Variants in RGSL1 observed in about 807,000 individuals in gnomAD.
The protein encoded by RGSL1 is regulator of G protein signaling like 1.
A neutral mutation model predicts 124.7 loss-of-function variants in RGSL1; 97 were observed. The ratio of observed to expected loss-of-function variants is 0.78; its 90% CI spans 0.66 to 0.92. RGSL1 has a LOEUF of 0.92. Ranked by LOEUF, RGSL1 falls within the 40% of genes least tolerant of loss-of-function variation. The pLI, the probability that RGSL1 is intolerant of heterozygous loss-of-function variation, is 0.00. For missense variants in RGSL1, 1,233 were observed against 1,288.4 expected (o/e 0.96, Z 0.66); for synonymous variants, 424 against 438.1 (o/e 0.97, Z 0.40).
chr1:182,489,294 C>T (rs1304068300), intron 8 of RGSL1, 92 bp downstream of exon 8: 1 of 1,146,092 alleles, frequency 8.7e-7, no homozygotes, highest in Non-Finnish European at 1.2e-6. Flanking sequence ...TAAGCGTCAG[C>T]ACTATGCAGT....
At chr1:182,524,037 G>A (rs1404853054) in intron 10 of RGSL1, among the ~76,000 whole-genome samples, 1 of 152,170 alleles carries the variant, frequency 6.6e-6, no homozygotes, top group Non-Finnish European at 1.5e-5. Flanking sequence ...ATAAACTCAT[G>A]AATATAAACA....
chr1:182,551,194 C>T lies in RGSL1; in HGVS notation c.3028C>T (p.Pro1010Ser). 6.4e-7 allele frequency: 1 copy of T among 1,551,070 alleles called. No individual in the cohort carries two copies. The highest frequency in any genetic ancestry group is 2.0e-5 in the Admixed American group (1 of 50,998). ...KSPPKSTDKYPFSSGGDNAIL... is the reference protein window; with the variant it reads ...KSPPKSTDKYSFSSGGDNAIL... Reference sequence around the variant, plus strand: ...CCCTCCTAAATCTACGGACAAGTATCCTTTCTCGAGTGGAGGTAAGCTCCA... The same window carrying T: ...CCCTCCTAAATCTACGGACAAGTATTCTTTCTCGAGTGGAGGTAAGCTCCA... Residue 1010 changes from proline (P) to serine (S), a missense_variant, in exon 18 of 22, where the codon CCT becomes TCT. Coordinates refer to ENST00000294854, the MANE Select transcript of RGSL1 (RefSeq NM_001137669.2).
At position 182,501,508 on chromosome 1, in the gene RGSL1, G is replaced by A. The variant is rs571333012; in HGVS notation, c.1825+8379G>A. On this transcript the variant is annotated intron_variant, in intron 9 of 21. Transcript: ENST00000294854. ...TAATTTTTGAATTTTTATTAGAGAC[G>A]GGGTTTCACCATGTTGTCTAGGATG... is the stretch of plus-strand genomic sequence containing the variant. Among the ~76,000 whole-genome samples, 14 of 151,084 alleles carry A rather than the reference G, an allele frequency of 9.3e-5. 4 individuals carry two copies. The highest frequency in any genetic ancestry group is 3.2e-4 in the African/African-American group (13 of 41,190).
intron 6 of RGSL1, among the ~76,000 whole-genome samples, chr1:182,484,308 G>T (rs1053420042): frequency 5.9e-5 from 9 of 152,060 alleles, no homozygotes; most frequent in African/African-American, 2.2e-4. Context: ...AGGCCCAGGG[G>T]TGTGACTATT....
At chr1:182,464,686 T>C (rs1476890095) in intron 4 of RGSL1, among the ~76,000 whole-genome samples, 2 of 150,638 alleles carry the variant, frequency 1.3e-5, no homozygotes, top group African/African-American at 2.4e-5. Context: ...ATCATGCCAT[T>C]GCACTCTAGC....
chr1:182,460,100 G>A lies in RGSL1; in HGVS notation c.268G>A (p.Glu90Lys), dbSNP rs993347344. The A allele has an allele frequency of 4.5e-6, 7 of 1,551,442 alleles. No homozygotes were observed. The highest frequency in any genetic ancestry group is 6.1e-6 in the Non-Finnish European group (7 of 1,146,920). ...GTGTTTCCATTACATTCTCTGTCAG[G>A]AGTTCATCAGTTTCATTAAGTCCCC... is the stretch of plus-strand genomic sequence containing the variant. ...NLCFHYILCQEFISFIKSPEG... is the reference protein window; with the variant it reads ...NLCFHYILCQKFISFIKSPEG... Residue 90 changes from glutamate (E) to lysine (K), a missense_variant, in exon 4 of 22, where the codon GAG becomes AAG. Physicochemically the swap from Glu to Lys is moderately conservative, Grantham distance 56. Transcript: ENST00000294854.
chr1:182,460,175 T>C, intron 4 of RGSL1, 42 bp downstream of exon 4: 1 of 1,520,884 alleles, frequency 6.6e-7, no homozygotes, highest in Non-Finnish European at 8.8e-7. Flanking sequence ...TGTGTGTGTG[T>C]GTGTGTGTGT....
chr1:182,538,301 G>C (rs1659673694), intron 14 of RGSL1, among the ~76,000 whole-genome samples: 1 of 152,150 alleles, frequency 6.6e-6, no homozygotes, highest in African/African-American at 2.4e-5. Flanking sequence ...GCCAAGGTGG[G>C]TGTATCACCA....
upstream of RGSL1, chr1:182,448,384 G>C (rs1055079759): frequency 1.3e-5 from 2 of 152,036 alleles, no homozygotes; most frequent in African/African-American, 2.4e-5. Flanking sequence ...ACCACATCTG[G>C]ATAATTTTTT....
intron 3 of RGSL1, 22 bp from the exon 4 acceptor site, chr1:182,459,982 T>C (rs748045578): frequency 1.3e-6 from 2 of 1,544,690 alleles, no homozygotes; most frequent in South Asian, 1.2e-5. Flanking sequence ...GCATTTTTGT[T>C]TCTATTTTGC....
intron 4 of RGSL1, among the ~76,000 whole-genome samples, chr1:182,470,058 G>A (rs1653701659): frequency 6.6e-6 from 1 of 152,080 alleles, no homozygotes; most frequent in Non-Finnish European, 1.5e-5. Context: ...AGTTTTGCAA[G>A]ATGAAAAGAA....
intron 9 of RGSL1, among the ~76,000 whole-genome samples, chr1:182,521,532 A>G (rs1434837713): frequency 6.6e-6 from 1 of 152,252 alleles, no homozygotes; most frequent in Non-Finnish European, 1.5e-5. Context: ...TTAAAACAAG[A>G]AGATGGAGGG....
At chr1:182,553,673 A>T in intron 19 of RGSL1, 132 bp downstream of exon 19, 1 of 739,826 alleles carries the variant, frequency 1.4e-6, no homozygotes, top group South Asian at 1.8e-5. Flanking sequence ...CTTGCTGAAG[A>T]TCACATAGCT....
At chr1:182,556,812 T>G (rs1660893625) in intron 21 of RGSL1, among the ~76,000 whole-genome samples, 1 of 152,100 alleles carries the variant, frequency 6.6e-6, no homozygotes, top group Non-Finnish European at 1.5e-5. Flanking sequence ...AGGCCTATTT[T>G]CTCTCCTTTG....
At chr1:182,543,151 A>C (rs2102306305) in intron 15 of RGSL1, among the ~76,000 whole-genome samples, 1 of 152,164 alleles carries the variant, frequency 6.6e-6, no homozygotes, top group South Asian at 2.1e-4. Flanking sequence ...AAAAACTTTC[A>C]ATTTTTCCCC....
At chr1:182,545,879 A>G (rs1029516535) in intron 15 of RGSL1, among the ~76,000 whole-genome samples, 3 of 152,154 alleles carry the variant, frequency 2.0e-5, no homozygotes, top group South Asian at 2.1e-4. Context: ...GTTGATTACT[A>G]TAATACTTGG....
At chr1:182,495,409 CAT>C (rs1326095272) in intron 9 of RGSL1, among the ~76,000 whole-genome samples, 42 of 152,300 alleles carry the variant, frequency 2.8e-4, no homozygotes, top group African/African-American at 9.6e-4. Flanking sequence ...AAGATCTCCA[CAT>C]GTCATGTTTT....
At chr1:182,543,463 G>T (rs1660017241) in intron 15 of RGSL1, among the ~76,000 whole-genome samples, 1 of 152,072 alleles carries the variant, frequency 6.6e-6, no homozygotes, top group African/African-American at 2.4e-5. Flanking sequence ...GTATTTTGTT[G>T]AGGCTTTTTG....
Position 182,540,437 on chromosome 1 carries a change from C to A in RGSL1, c.2669+16C>A. On this transcript the variant is annotated intron_variant, in intron 15 of 21. Transcript: ENST00000294854. ...AAATGGAGAAGTAAGTTTTCCACTT[C>A]TCCTTCTTCTGCCCTGAAAATGACT... The A allele has an allele frequency of 1.3e-6, 2 of 1,545,848 alleles. No homozygotes were observed. The highest frequency in any genetic ancestry group is 1.7e-6 in the Non-Finnish European group (2 of 1,143,566).
Sources: allele counts gnomAD v4.1 joint callset (sites outside exome capture counted in the v4.1 genomes callset), GRCh38; gene constraint gnomAD v4.1.1; transcripts MANE v1.5; gene names NCBI Gene and HGNC (gene_info 2026-07-23, HGNC 2026-07-21).